The following SIPA1L3 variants were observed in gnomAD, a reference collection of about 807,000 sequenced individuals.
SIPA1L3 encodes signal-induced proliferation-associated 1-like protein 3.
A neutral mutation model predicts 150.1 loss-of-function variants in SIPA1L3; 59 were observed. The observed-to-expected ratio is 0.39, with a 90% confidence interval of 0.32 to 0.49. The LOEUF is 0.49. Ranked by LOEUF, SIPA1L3 falls within the 20% of genes least tolerant of loss-of-function variation. SIPA1L3 has a pLI of 0.86. For synonymous variants in SIPA1L3, 1,070 were observed against 1,077.6 expected, an observed-to-expected ratio of 0.99 and a Z score of 0.14; for missense variants, 2,211 against 2,489.5, an observed-to-expected ratio of 0.89 and a Z score of 2.38.
At chr19:37,960,271 G>A (rs147762430) in intron 1 of SIPA1L3, among the ~76,000 whole-genome samples, 1 of 152,064 alleles carries the variant, frequency 6.6e-6, no homozygotes, top group African/African-American at 2.4e-5. Flanking sequence ...ATTGATTTTG[G>A]TGCAGGGTCT....
chr19:38,075,078 C>G (rs1435544084), intron 2 of SIPA1L3, among the ~76,000 whole-genome samples: 2 of 152,162 alleles, frequency 1.3e-5, no homozygotes, highest in African/African-American at 4.8e-5. Context: ...GTGCATTTTA[C>G]CCTTGAACAA....
intron 9 of SIPA1L3, 24 bp from the exon 10 acceptor site, chr19:38,130,474 C>G (rs1971279132): frequency 6.3e-7 from 1 of 1,593,798 alleles, no homozygotes; most frequent in East Asian, 2.2e-5. Flanking sequence ...GCTTCTGAGG[C>G]TCGATCCTGC....
At chr19:38,177,689 CAG>C (rs1387527712) in intron 15 of SIPA1L3, among the ~76,000 whole-genome samples, 1 of 151,978 alleles carries the variant, frequency 6.6e-6, no homozygotes, top group South Asian at 2.1e-4. Flanking sequence ...CATACATAAA[CAG>C]AGATTGACCT....
chr19:38,153,053 C>G lies in SIPA1L3; in HGVS notation c.3661+86C>G, dbSNP rs1339371473. ...TAGAGCTTGACAGGCAACACTCCCC[C>G]TCTTGTGAGTGACGGATAAAACACA... On this transcript the variant is annotated intron_variant, in intron 13 of 21. Coordinates refer to ENST00000222345, the MANE Select transcript of SIPA1L3 (RefSeq NM_015073.3). 3.3e-5 allele frequency: 49 copies of G among 1,480,310 alleles called. No homozygotes were observed. The Admixed American group carries it at 8.7e-4, about 26-fold the overall frequency. 91.7% of individuals were successfully genotyped at this position (1,480,310 alleles called of 1,614,324 possible). A position where few individuals can be genotyped will look rare whatever the true frequency, so the allele number is the denominator to read the frequency against.
chr19:37,966,476 A>T (rs1458717145), intron 1 of SIPA1L3, among the ~76,000 whole-genome samples: 1 of 152,154 alleles, frequency 6.6e-6, no homozygotes, highest in African/African-American at 2.4e-5. Flanking sequence ...TGGGTCTCAG[A>T]GTCCTGATCT....
chr19:38,201,239 G>A (rs1260089060), intron 19 of SIPA1L3, among the ~76,000 whole-genome samples: 3 of 152,338 alleles, frequency 2.0e-5, no homozygotes, highest in South Asian at 4.1e-4. Context: ...GCCATTACAG[G>A]AAGAAAATCT....
At chr19:37,938,630 T>C (rs202079529) in intron 1 of SIPA1L3, among the ~76,000 whole-genome samples, 4 of 150,982 alleles carry the variant, frequency 2.6e-5, no homozygotes, top group South Asian at 4.2e-4. Flanking sequence ...TTTTCTTTTT[T>C]TTTTTTTTTT....
intron 1 of SIPA1L3, among the ~76,000 whole-genome samples, chr19:37,992,130 G>A (rs529977982): frequency 6.6e-6 from 1 of 152,312 alleles, no homozygotes; most frequent in Admixed American, 6.5e-5. Context: ...AGTGGCTTTA[G>A]CCTCCATTGG....
chr19:37,958,484 C>T (rs997034114), intron 1 of SIPA1L3, among the ~76,000 whole-genome samples: 3 of 152,148 alleles, frequency 2.0e-5, no homozygotes, highest in African/African-American at 7.2e-5. Flanking sequence ...AAGTTGGACC[C>T]TTACCTCACA....
chr19:38,109,267 T>C (rs1297978452), intron 7 of SIPA1L3: 1 of 152,202 alleles, frequency 6.6e-6, no homozygotes, highest in East Asian at 1.9e-4. Context: ...ACATCTTCCA[T>C]GGTGGCAGGC....
intron 10 of SIPA1L3, among the ~76,000 whole-genome samples, chr19:38,135,281 C>T (rs1349537097): frequency 7.2e-5 from 11 of 152,158 alleles, no homozygotes; most frequent in Admixed American, 7.2e-4. Flanking sequence ...TGTGGCCACC[C>T]CTACCCACAT....
Position 38,175,358 on chromosome 19 carries a change from T to TC in SIPA1L3, c.4209-7157dup, listed in dbSNP as rs373316069. On this transcript the variant is annotated intron_variant, in intron 15 of 21. Transcript: ENST00000222345. ...TCACCCACCCAGGACCACCCATTGG[T>TC]CCCCTTCAGAGTCCCCAGGCTGAAC... is the stretch of plus-strand genomic sequence containing the variant. 1.5e-3 allele frequency among the ~76,000 whole-genome samples: 229 copies of TC among 152,042 alleles called. 3 individuals are homozygous for TC. The highest frequency in any genetic ancestry group is 5.3e-3 in the African/African-American group (221 of 41,460).
intron 1 of SIPA1L3, among the ~76,000 whole-genome samples, chr19:38,017,590 T>C (rs2145694002): frequency 6.6e-6 from 1 of 151,278 alleles, no homozygotes; most frequent in Non-Finnish European, 1.5e-5. Flanking sequence ...GGTGGTGTCA[T>C]CATAGCTTAC....
chr19:38,188,154 T>G (rs1011389604), intron 16 of SIPA1L3, among the ~76,000 whole-genome samples: 1 of 152,044 alleles, frequency 6.6e-6, no homozygotes, highest in African/African-American at 2.4e-5. Flanking sequence ...AACTCAATTA[T>G]TTTAGATTAA....
At chr19:38,120,788 T>A (rs1351377621) in intron 9 of SIPA1L3, among the ~76,000 whole-genome samples, 1 of 152,246 alleles carries the variant, frequency 6.6e-6, no homozygotes, top group Non-Finnish European at 1.5e-5. Flanking sequence ...AGCATTGTGC[T>A]GAGAAGTACT....
chr19:38,127,557 C>T (rs1240847774), intron 9 of SIPA1L3, among the ~76,000 whole-genome samples: 2 of 152,150 alleles, frequency 1.3e-5, no homozygotes, highest in East Asian at 3.8e-4. Flanking sequence ...GTGGCACAGT[C>T]ATCGCTCACT....
chr19:37,951,548 T>C (rs2145553775), intron 1 of SIPA1L3, among the ~76,000 whole-genome samples: 1 of 152,268 alleles, frequency 6.6e-6, no homozygotes, highest in African/African-American at 2.4e-5. Context: ...TTTTGTATAT[T>C]TTTCACATTT....
At chr19:38,072,023 C>T (rs773759391) in intron 2 of SIPA1L3, among the ~76,000 whole-genome samples, 15 of 152,194 alleles carry the variant, frequency 9.9e-5, no homozygotes, top group Admixed American at 3.3e-4. Context: ...AGATGTTTTC[C>T]GCATTGGCGA....
chr19:38,121,557 A>G (rs753080526), intron 9 of SIPA1L3, among the ~76,000 whole-genome samples: 38 of 147,748 alleles, frequency 2.6e-4, no homozygotes, highest in Admixed American at 9.6e-4. Flanking sequence ...TGGCTAACAC[A>G]GTGAAACCCC....
Sources: gnomAD v4.1 joint callset for allele counts (sites outside exome capture counted in the v4.1 genomes callset) on GRCh38, gnomAD v4.1.1 for gene constraint, MANE v1.5 for transcripts, NCBI Gene and HGNC (gene_info 2026-07-23, HGNC 2026-07-21) for gene names.